PLEKHA1: variants seen among roughly 807,000 people sequenced by gnomAD.
The protein encoded by PLEKHA1 is pleckstrin homology domain containing A1.
In PLEKHA1, 34 loss-of-function variants were observed where a neutral mutation model predicts 52.0. That is an observed-to-expected ratio of 0.65 (90% CI 0.50 to 0.87). PLEKHA1 has a LOEUF of 0.87. Among genes scored for constraint, PLEKHA1 ranks in the 40% least tolerant of loss-of-function variants. The pLI is 0.00. For missense variants in PLEKHA1, 497 were observed against 504.2 expected (o/e 0.99, Z 0.14); for synonymous variants, 163 against 170.7 (o/e 0.95, Z 0.35).
intron 1 of PLEKHA1, among the ~76,000 whole-genome samples, chr10:122,392,558 G>A (rs150197828): frequency 1.5e-3 from 229 of 152,166 alleles, no homozygotes; most frequent in African/African-American, 3.3e-3. Context: ...TTTTAGAGAG[G>A]ATGGTGTAGA....
At chr10:122,433,515 A>G (rs1178661507), downstream of PLEKHA1, 3 of 106,224 alleles carry the variant, frequency 2.8e-5, no homozygotes, top group South Asian at 4.1e-4. Flanking sequence ...TCCAAAACAC[A>G]TAGGCTTAGT....
intron 8 of PLEKHA1, chr10:122,421,808 T>A (rs565013399): frequency 6.6e-6 from 1 of 152,336 alleles, no homozygotes; most frequent in South Asian, 2.1e-4. Context: ...TATTCTCATC[T>A]GTCATGAGAA....
At chr10:122,382,260 C>T (rs1056036476) in intron 1 of PLEKHA1, among the ~76,000 whole-genome samples, 1 of 152,168 alleles carries the variant, frequency 6.6e-6, no homozygotes. Flanking sequence ...ACCCTGTACC[C>T]TCCTATCCTT....
chr10:122,418,259 A>G (rs941249907), intron 8 of PLEKHA1: 2 of 262,068 alleles, frequency 7.6e-6, no homozygotes, highest in Non-Finnish European at 1.5e-5. Context: ...TTGGGGGGTT[A>G]GCCCCACGTG....
chr10:122,435,030 A>G (rs1030815224), downstream of PLEKHA1: 2 of 152,150 alleles, frequency 1.3e-5, no homozygotes, highest in Admixed American at 6.5e-5. Flanking sequence ...TAAGAAGGGA[A>G]AGCTGTAAAC....
chr10:122,442,269 C>CA, the PLEKHA1 span: 1 of 151,372 alleles, frequency 6.6e-6, no homozygotes, highest in Non-Finnish European at 1.5e-5. Flanking sequence ...AGAGTCTTTA[C>CA]TTTTTTTTTC....
chr10:122,441,469 C>CAAA, the PLEKHA1 span: 1 of 133,716 alleles, frequency 7.5e-6, no homozygotes, highest in Non-Finnish European at 1.6e-5. Context: ...GACCCTGTCT[C>CAAA]AAAAAAAAAA....
intron 1 of PLEKHA1, among the ~76,000 whole-genome samples, chr10:122,383,611 C>T (rs1158896712): frequency 2.0e-5 from 3 of 152,060 alleles, no homozygotes; most frequent in African/African-American, 7.2e-5. Flanking sequence ...GCCATCATGC[C>T]TGGCCCCAGA....
intron 1 of PLEKHA1, among the ~76,000 whole-genome samples, chr10:122,379,955 C>G (rs928354119): frequency 1.3e-5 from 2 of 152,118 alleles, no homozygotes; most frequent in African/African-American, 4.8e-5. Context: ...TTTGTAAGAT[C>G]TAACTATACC....
chr10:122,440,217 A>G, the PLEKHA1 span: 2 of 152,240 alleles, frequency 1.3e-5, no homozygotes, highest in African/African-American at 4.8e-5. Context: ...TTCAATGTAA[A>G]AAGTATAATT....
chr10:122,406,976 G>C (rs2097026178), intron 5 of PLEKHA1, among the ~76,000 whole-genome samples: 1 of 152,158 alleles, frequency 6.6e-6, no homozygotes, highest in African/African-American at 2.4e-5. Context: ...TCTACCGGGA[G>C]GATATATATT....
intron 1 of PLEKHA1, among the ~76,000 whole-genome samples, chr10:122,383,968 G>A (rs1415976306): frequency 6.6e-6 from 1 of 151,658 alleles, no homozygotes; most frequent in Non-Finnish European, 1.5e-5. Context: ...ATTTCTTACT[G>A]TATAGATTTT....
intron 10 of PLEKHA1, 34 bp downstream of exon 10, chr10:122,424,993 C>A: frequency 1.3e-6 from 2 of 1,536,140 alleles, no homozygotes; most frequent in Non-Finnish European, 8.9e-7. Flanking sequence ...ATAGATCCTC[C>A]TAAAAAGAAA....
intron 6 of PLEKHA1, among the ~76,000 whole-genome samples, chr10:122,413,501 A>G (rs1490209305): frequency 6.6e-6 from 1 of 152,096 alleles, no homozygotes; most frequent in East Asian, 1.9e-4. Flanking sequence ...TTCTTAAAGG[A>G]GAAATTCCTA....
intron 1 of PLEKHA1, among the ~76,000 whole-genome samples, chr10:122,392,845 A>G (rs539153187): frequency 1.1e-4 from 17 of 152,136 alleles, no homozygotes; most frequent in Non-Finnish European, 2.1e-4. Flanking sequence ...TAAAGGATAG[A>G]TTATCTTGAT....
At position 122,427,157 on chromosome 10, in the gene PLEKHA1, A is replaced by G. The variant is rs533364798; in HGVS notation, c.900+126A>G. 80 of 832,698 alleles carry G rather than the reference A, an allele frequency of 9.6e-5. No individual in the cohort carries two copies. In the East Asian group the frequency reaches 2.1e-3, roughly 22 times the overall value. 51.6% of individuals were successfully genotyped at this position (832,698 alleles called of 1,614,324 possible). A position where few individuals can be genotyped will look rare whatever the true frequency, so the allele number is the denominator to read the frequency against. ...TATTTGCATGTTGACTTTTATACCA[A>G]TTGGACTTGCAAAAAATAATGCATT... On this transcript the variant is annotated intron_variant, in intron 11 of 11. Transcript: ENST00000368990.
intron 1 of PLEKHA1, among the ~76,000 whole-genome samples, chr10:122,381,074 G>T (rs1302953500): frequency 1.3e-5 from 2 of 152,168 alleles, no homozygotes; most frequent in African/African-American, 2.4e-5. Context: ...AGTGCTTTGT[G>T]AGTAGTAATA....
At chr10:122,406,856 A>G (rs2097023613) in intron 5 of PLEKHA1, among the ~76,000 whole-genome samples, 183 bp downstream of exon 5, 1 of 152,218 alleles carries the variant, frequency 6.6e-6, no homozygotes, top group Non-Finnish European at 1.5e-5. Flanking sequence ...CACTTTAATC[A>G]GCCCATGATT....
At chr10:122,439,830 G>C in the PLEKHA1 span, 1 of 152,154 alleles carries the variant, frequency 6.6e-6, no homozygotes, top group Non-Finnish European at 1.5e-5. Context: ...TTTTGAGGGT[G>C]TGCCATTGAC....
Sources: allele counts gnomAD v4.1 joint callset (sites outside exome capture counted in the v4.1 genomes callset), GRCh38; gene constraint gnomAD v4.1.1; transcripts MANE v1.5; gene names NCBI Gene and HGNC (gene_info 2026-07-23, HGNC 2026-07-21).